ETV5: variants seen among roughly 807,000 people sequenced by gnomAD.
ETV5 encodes the protein ETS variant transcription factor 5.
Under a neutral mutation model 70.0 loss-of-function variants are expected in ETV5, and 10 were observed. The ratio of observed to expected loss-of-function variants is 0.14; its 90% CI spans 0.09 to 0.24. The LOEUF is 0.24. ETV5 is among the 10% of genes least tolerant of loss of function. ETV5 has a pLI of 1.00. For synonymous variants in ETV5, 216 were observed against 242.2 expected, an observed-to-expected ratio of 0.89 and a Z score of 1.01; for missense variants, 453 against 651.2, an observed-to-expected ratio of 0.70 and a Z score of 3.31.
In ETV5 at chr3:186,074,931, A is replaced by G. The variant is rs573325184; in HGVS notation, c.650+4886T>C. On this transcript the variant is annotated intron_variant, in intron 7 of 12. Transcript: ENST00000306376. ...CAAGAATGCAAGGTTGGTTTCATATAAATCAGTGTAACTCACCATATTAAG... is the reference window on the plus strand; with the variant it reads ...CAAGAATGCAAGGTTGGTTTCATATGAATCAGTGTAACTCACCATATTAAG... Among the ~76,000 whole-genome samples, 6 of 152,106 alleles carry G rather than the reference A, an allele frequency of 3.9e-5. No homozygotes were observed. In the East Asian group the frequency reaches 1.2e-3, roughly 29 times the overall value.
chr3:186,097,878 T>TG lies in ETV5; in HGVS notation c.232+7426dup, dbSNP rs757281536. ...GGTTGTTTTTCCACGGGCTGCACAA[T>TG]GGGGTCTGGTTATTCATTGAAAAAG... On this transcript the variant is annotated intron_variant, in intron 5 of 12. Transcript: ENST00000306376. Among the ~76,000 whole-genome samples the TG allele has an allele frequency of 2.6e-5, 4 of 152,280 alleles. No homozygotes were observed. In the South Asian group the frequency reaches 6.2e-4, roughly 24 times the overall value.
intron 12 of ETV5, among the ~76,000 whole-genome samples, chr3:186,049,856 G>T (rs1712983477): frequency 6.6e-6 from 1 of 152,164 alleles, no homozygotes; most frequent in Non-Finnish European, 1.5e-5. Flanking sequence ...AGGCAGGAGA[G>T]CACAGTGGAA....
intron 6 of ETV5, chr3:186,080,550 C>T (rs1713908458): frequency 4.3e-6 from 1 of 232,970 alleles, no homozygotes; most frequent in Middle Eastern, 1.3e-3. Flanking sequence ...TCTTCTCCTC[C>T]CCCTTTCAGG....
At chr3:186,071,248 G>A (rs766901116) in intron 7 of ETV5, among the ~76,000 whole-genome samples, 9 of 152,142 alleles carry the variant, frequency 5.9e-5, no homozygotes, top group Non-Finnish European at 1.2e-4. Context: ...AGTGATTATG[G>A]GTGCCAGGTG....
At chr3:186,107,954 C>T (rs1319437067) in intron 1 of ETV5, among the ~76,000 whole-genome samples, 1 of 151,730 alleles carries the variant, frequency 6.6e-6, no homozygotes, top group Non-Finnish European at 1.5e-5. Context: ...AGGCCCCTCA[C>T]CCCAGCGTTT....
chr3:186,093,475 C>T (rs143533538), intron 5 of ETV5, among the ~76,000 whole-genome samples: 89 of 152,288 alleles, frequency 5.8e-4, no homozygotes, highest in African/African-American at 2.0e-3. Context: ...CTTCCCATCC[C>T]CCATTTCACA....
chr3:186,095,743 G>A (rs1714288101), intron 5 of ETV5, among the ~76,000 whole-genome samples: 1 of 152,248 alleles, frequency 6.6e-6, no homozygotes, highest in Non-Finnish European at 1.5e-5. Flanking sequence ...AACAGAAAAT[G>A]AGAAATAGCC....
chr3:186,049,981 T>C (rs932027915), intron 12 of ETV5, among the ~76,000 whole-genome samples: 1 of 152,194 alleles, frequency 6.6e-6, no homozygotes, highest in Admixed American at 6.5e-5. Flanking sequence ...GGCATGGGAC[T>C]ACAGCTTTTC....
intron 9 of ETV5, among the ~76,000 whole-genome samples, chr3:186,060,222 G>GA (rs1359480526): frequency 1.3e-5 from 2 of 151,850 alleles, no homozygotes; most frequent in South Asian, 2.1e-4. Flanking sequence ...ACAGTATGTA[G>GA]AAAAAAACAC....
chr3:186,049,450 C>A (rs1028213767), intron 12 of ETV5, among the ~76,000 whole-genome samples: 1 of 152,152 alleles, frequency 6.6e-6, no homozygotes. Flanking sequence ...AATATTAGAA[C>A]CAGAAGGTCT....
chr3:186,084,331 T>A, intron 5 of ETV5: 2 of 385,050 alleles, frequency 5.2e-6, no homozygotes, highest in South Asian at 3.9e-5. Flanking sequence ...AATAAACATC[T>A]TCTGCAATTA....
chr3:186,097,847 T>C (rs1379461531), intron 5 of ETV5, among the ~76,000 whole-genome samples: 6 of 152,234 alleles, frequency 3.9e-5, no homozygotes, highest in Admixed American at 3.9e-4. Flanking sequence ...CAGTGTTGTT[T>C]GAGTTGGTTG....
chr3:186,097,005 C>T (rs1714319210), intron 5 of ETV5, among the ~76,000 whole-genome samples: 1 of 152,136 alleles, frequency 6.6e-6, no homozygotes, highest in South Asian at 2.1e-4. Context: ...ACCCCCAGCA[C>T]ACCCGCTTGG....
At chr3:186,092,720 C>T (rs1025033006) in intron 5 of ETV5, among the ~76,000 whole-genome samples, 4 of 152,058 alleles carry the variant, frequency 2.6e-5, no homozygotes, top group Non-Finnish European at 5.9e-5. Flanking sequence ...AGGCTTGAGC[C>T]GCTGCACCCA....
intron 5 of ETV5, chr3:186,084,170 T>C (rs1210025678): frequency 2.3e-6 from 1 of 439,418 alleles, no homozygotes; most frequent in South Asian, 1.7e-5. Flanking sequence ...AGTATTTACC[T>C]TTGCACAGCT....
intron 7 of ETV5, among the ~76,000 whole-genome samples, chr3:186,069,447 C>A (rs552244354): frequency 3.6e-4 from 55 of 151,408 alleles, no homozygotes; most frequent in Non-Finnish European, 5.9e-5. Context: ...ACATGGGCAC[C>A]GGCAGCATGC....
In ETV5 at chr3:186,048,537, C is replaced by T; in HGVS notation, c.*102G>A. ...GGTTCTCCAGATAATACTCAAAGGGCAAGCTTTAGGAACAACCAAAAACAC... is the reference window on the plus strand; with the variant it reads ...GGTTCTCCAGATAATACTCAAAGGGTAAGCTTTAGGAACAACCAAAAACAC... On this transcript the variant is annotated 3_prime_UTR_variant, in exon 13 of 13. Transcript: ENST00000306376. 1.9e-6 allele frequency: 2 copies of T among 1,074,008 alleles called. No individual in the cohort carries two copies. Among genetic ancestry groups the T allele is most frequent in the Non-Finnish European group, 2.8e-6 (2 of 716,146 alleles). The allele number at this position is 1,074,008 out of a possible 1,614,324, so 66.5% of individuals were successfully genotyped here. A position where few individuals can be genotyped will look rare whatever the true frequency, so the allele number is the denominator to read the frequency against.
At chr3:186,077,157 G>T (rs6777779) in intron 7 of ETV5, among the ~76,000 whole-genome samples, 21,626 of 152,050 alleles carry the variant, frequency 0.14, 2,594 homozygotes, top group East Asian at 0.56. Context: ...GTCACAGGGC[G>T]GTTAAAAGTT....
rs991586166 is a variant in ETV5 at position 186,060,505 on chromosome 3, G to A, written c.971-3014C>T. ...CCTGTTTGAGGGGCAAACTAGAAAC[G>A]AAAGACTCAAAACATTATGCAAGGA... On this transcript the variant is annotated intron_variant, in intron 9 of 12. Coordinates refer to ENST00000306376, the MANE Select transcript of ETV5 (RefSeq NM_004454.3). 2.6e-5 allele frequency among the ~76,000 whole-genome samples: 4 copies of A among 152,206 alleles called. No homozygotes were observed. In the East Asian group the frequency reaches 5.8e-4, roughly 22 times the overall value.
Sources: gnomAD v4.1 joint callset for allele counts (sites outside exome capture counted in the v4.1 genomes callset) on GRCh38, gnomAD v4.1.1 for gene constraint, MANE v1.5 for transcripts, NCBI Gene and HGNC (gene_info 2026-07-23, HGNC 2026-07-21) for gene names.